KDM3B: variants seen among roughly 807,000 people sequenced by gnomAD.
KDM3B encodes lysine-specific demethylase 3B.
Under a neutral mutation model 170.0 loss-of-function variants are expected in KDM3B, and 10 were observed. The ratio of observed to expected loss-of-function variants is 0.06; its 90% CI spans 0.04 to 0.10. The LOEUF (loss-of-function observed/expected upper bound fraction) is 0.10, where lower values mean the gene tolerates loss of function less well. KDM3B is among the 10% of genes least tolerant of loss of function. The probability of loss-of-function intolerance (pLI) is 1.00; values close to 1 mark genes in which losing one functional copy is unlikely to be tolerated. For synonymous variants in KDM3B, 831 were observed against 834.8 expected (o/e 1.00, Z 0.08); for missense variants, 1,394 against 2,195.2 (o/e 0.64, Z 7.29).
At chr5:138,380,937 C>T (rs1296763249) in intron 5 of KDM3B, among the ~76,000 whole-genome samples, 2 of 151,548 alleles carry the variant, frequency 1.3e-5, no homozygotes. Context: ...TGCAATGGCA[C>T]GATCTCGGCT....
Position 138,425,401 on chromosome 5 carries a change from G to A in KDM3B, c.4240-10G>A. ...AGATTGCTCTGATTGGGATATTTTTGTTTCCACAGCCAGTGCTGGTTTCGG... is the reference window on the plus strand; with the variant it reads ...AGATTGCTCTGATTGGGATATTTTTATTTCCACAGCCAGTGCTGGTTTCGG... On this transcript the variant is annotated splice_polypyrimidine_tract_variant and intron_variant, in intron 16 of 23. Coordinates refer to ENST00000314358, the MANE Select transcript of KDM3B (RefSeq NM_016604.4). 1 of 1,610,926 alleles carries A rather than the reference G, an allele frequency of 6.2e-7. No homozygotes were observed. Among genetic ancestry groups the A allele is most frequent in the Non-Finnish European group, 8.5e-7 (1 of 1,178,912 alleles).
intron 11 of KDM3B, among the ~76,000 whole-genome samples, chr5:138,411,715 T>C (rs1462393060): frequency 6.6e-6 from 1 of 151,494 alleles, no homozygotes; most frequent in East Asian, 1.9e-4. Flanking sequence ...TTTTTTTTTT[T>C]CTGAGACAAA....
chr5:138,373,457 T>C (rs1014701777), intron 2 of KDM3B, among the ~76,000 whole-genome samples: 1 of 151,850 alleles, frequency 6.6e-6, no homozygotes, highest in Non-Finnish European at 1.5e-5. Flanking sequence ...GGAGTGAAAA[T>C]AGCATTATAA....
Position 138,377,813 on chromosome 5 carries a change from A to T in KDM3B, c.568A>T (p.Ile190Leu). Residue 190 changes from isoleucine to leucine, a missense_variant, in exon 4 of 24, where the codon ATA (isoleucine) becomes TTA (leucine). Coordinates refer to ENST00000314358, the MANE Select transcript of KDM3B (RefSeq NM_016604.4). ...ALISDQKLQE[I>L]FSRGPYSVQG... ...GATCAGTGACCAAAAGCTACAAGAG[A>T]TATTCAGCCGAGGTAAGAACGGATA... The T allele has an allele frequency of 6.2e-7, 1 of 1,612,484 alleles. No individual in the cohort carries two copies. Among genetic ancestry groups the T allele is most frequent in the Non-Finnish European group, 8.5e-7 (1 of 1,178,574 alleles).
Position 138,420,938 on chromosome 5 carries a change from C to T in KDM3B, c.3948C>T (p.Pro1316=). The T allele has an allele frequency of 6.2e-7, 1 of 1,614,024 alleles. No homozygotes were observed. Among genetic ancestry groups the T allele is most frequent in the Non-Finnish European group, 8.5e-7 (1 of 1,179,918 alleles). ...CCTTGGACACAGGCATACCCTTTCC[C>T]CCGGTCTTCTCTACATCCTCAGCAG... is the stretch of plus-strand genomic sequence containing the variant. ...QTPLDTGIPF[P]PVFSTSSAGV... is the part of the protein sequence containing the mutation. Residue 1316 remains proline, a synonymous_variant, in exon 15 of 24, where the codon CCC becomes CCT. Coordinates refer to ENST00000314358, the MANE Select transcript of KDM3B (RefSeq NM_016604.4).
chr5:138,377,875 C>T, intron 4 of KDM3B, 50 bp downstream of exon 4: 2 of 1,341,966 alleles, frequency 1.5e-6, no homozygotes, highest in African/African-American at 2.9e-5. Flanking sequence ...GGTGAATGAT[C>T]ACTGTTGAGT....
In KDM3B at chr5:138,391,697, A is replaced by T. The variant is rs1427786588; in HGVS notation, c.2065A>T (p.Lys689Ter). Reference protein sequence around the residue: ...SSADSASLAKKKPLFITTDSS... With the variant: ...SSADSASLAK ...TGCAGATTCGGCATCTTTAGCAAAG[A>T]AGAAACCCCTCTTCATTACAACTGA... Residue 689 changes from lysine (K) to a stop codon, truncating the protein, a stop_gained, in exon 8 of 24, where the codon AAG (lysine) becomes TAG (stop). Coordinates refer to ENST00000314358, the MANE Select transcript of KDM3B (RefSeq NM_016604.4). LOFTEE classifies it high-confidence loss of function. This position sits in a 1 kb window ranked among gnomAD's most constrained non-coding sequence, Gnocchi z 5.0. 1 of 1,614,020 alleles carries T rather than the reference A, an allele frequency of 6.2e-7. No individual in the cohort carries two copies.
At chr5:138,411,109 G>A (rs547089468) in intron 11 of KDM3B, among the ~76,000 whole-genome samples, 13 of 152,204 alleles carry the variant, frequency 8.5e-5, no homozygotes, top group African/African-American at 2.9e-4. Flanking sequence ...GCTAAGTAGC[G>A]GGTGTTGTTC....
chr5:138,406,681 G>A (rs763218154), intron 11 of KDM3B, among the ~76,000 whole-genome samples: 6 of 152,050 alleles, frequency 3.9e-5, no homozygotes, highest in Non-Finnish European at 7.4e-5. Flanking sequence ...TTTTAAAAGA[G>A]TATAAATGAG....
intron 6 of KDM3B, among the ~76,000 whole-genome samples, chr5:138,384,442 A>C (rs1762204209): frequency 6.6e-6 from 1 of 151,934 alleles, no homozygotes; most frequent in African/African-American, 2.4e-5. Flanking sequence ...TCTACTAAAA[A>C]AATACAAAAA....
chr5:138,431,931 AAC>A (rs1374683072), intron 23 of KDM3B, among the ~76,000 whole-genome samples: 2 of 151,948 alleles, frequency 1.3e-5, no homozygotes, highest in Non-Finnish European at 2.9e-5. Flanking sequence ...AAAAACAAAA[AAC>A]AGTTTTTCTT....
chr5:138,426,959 A>C lies in KDM3B; in HGVS notation c.4412-16A>C. The C allele has an allele frequency of 2.5e-6, 4 of 1,603,930 alleles. No individual in the cohort carries two copies. The highest frequency in any genetic ancestry group is 2.6e-6 in the Non-Finnish European group (3 of 1,170,894). ...CAAACCAGCAGATGTTTGTGGGAGTATTCTCTGTCTTCCAGAACGACTACG... is the reference window on the plus strand; with the variant it reads ...CAAACCAGCAGATGTTTGTGGGAGTCTTCTCTGTCTTCCAGAACGACTACG... On this transcript the variant is annotated splice_polypyrimidine_tract_variant and intron_variant, in intron 17 of 23. Transcript: ENST00000314358.
At chr5:138,376,529 C>T (rs1762003370) in intron 3 of KDM3B, among the ~76,000 whole-genome samples, 2 of 151,520 alleles carry the variant, frequency 1.3e-5, no homozygotes, top group South Asian at 4.2e-4. Flanking sequence ...ACAGTGAAAC[C>T]CCATCTCTAC....
intron 11 of KDM3B, among the ~76,000 whole-genome samples, chr5:138,409,518 T>G (rs1249927906): frequency 6.6e-6 from 1 of 152,118 alleles, no homozygotes; most frequent in Non-Finnish European, 1.5e-5. Context: ...GGGACAAATT[T>G]AGCCAATACC....
chr5:138,376,668 C>A (rs1410896511), intron 3 of KDM3B, among the ~76,000 whole-genome samples: 1 of 149,890 alleles, frequency 6.7e-6, no homozygotes, highest in Non-Finnish European at 1.5e-5. Context: ...CGTGCCACTG[C>A]ACTCCAGCCT....
At chr5:138,410,740 G>A (rs1762944576) in intron 11 of KDM3B, among the ~76,000 whole-genome samples, 1 of 152,240 alleles carries the variant, frequency 6.6e-6, no homozygotes, top group African/African-American at 2.4e-5. Flanking sequence ...CCAATGATAG[G>A]TAAGGTCACG....
chr5:138,399,222 T>C (rs1279622694), intron 10 of KDM3B, among the ~76,000 whole-genome samples: 3 of 151,862 alleles, frequency 2.0e-5, no homozygotes, highest in East Asian at 3.9e-4. Context: ...AATCCTCTTA[T>C]TTTTAAACTC....
Position 138,391,163 on chromosome 5 carries a change from T to A in KDM3B, c.1531T>A (p.Ser511Thr). The change falls in exon 8 of 24, where the codon TCT becomes ACT. Residue 511 changes from serine (S) to threonine (T), a missense_variant. Coordinates refer to ENST00000314358, the MANE Select transcript of KDM3B (RefSeq NM_016604.4). This position sits in a 1 kb window ranked among gnomAD's most constrained non-coding sequence, Gnocchi z 5.0. ...KPLGFSFGCSSAQEAQKDTDL... is the reference protein window; with the variant it reads ...KPLGFSFGCSTAQEAQKDTDL... ...TTTGGGCTTCTCTTTTGGCTGTAGC[T>A]CTGCACAAGAGGCACAGAAAGACAC... 1 of 1,614,186 alleles carries A rather than the reference T, an allele frequency of 6.2e-7. No homozygotes were observed. The highest frequency in any genetic ancestry group is 1.3e-5 in the African/African-American group (1 of 75,066).
intron 13 of KDM3B, among the ~76,000 whole-genome samples, chr5:138,418,680 C>A (rs1230808406): frequency 6.6e-6 from 1 of 152,190 alleles, no homozygotes; most frequent in Non-Finnish European, 1.5e-5. Flanking sequence ...ATTTAAATTA[C>A]CAATTCACCA....
Sources: allele counts gnomAD v4.1 joint callset (sites outside exome capture counted in the v4.1 genomes callset), GRCh38; gene constraint gnomAD v4.1.1; non-coding constraint Gnocchi (gnomAD v3.1); transcripts MANE v1.5; gene names NCBI Gene and HGNC (gene_info 2026-07-23, HGNC 2026-07-21).